The following GBA2 variants were observed in gnomAD, a reference collection of about 807,000 sequenced individuals.
The protein encoded by GBA2 is glucosylceramidase beta 2.
GBA2 carries 79 observed loss-of-function variants against 112.9 expected under a neutral mutation model. That is an observed-to-expected ratio of 0.70 (90% CI 0.58 to 0.84). The LOEUF (loss-of-function observed/expected upper bound fraction) is 0.84, where lower values mean the gene tolerates loss of function less well. Ranked by LOEUF, GBA2 falls within the 40% of genes least tolerant of loss-of-function variation. The pLI is 0.00. For synonymous variants in GBA2, 403 were observed against 434.3 expected, an observed-to-expected ratio of 0.93 and a Z score of 0.90; for missense variants, 1,043 against 1,190.0, an observed-to-expected ratio of 0.88 and a Z score of 1.82.
chr9:35,737,619 AGGGAAAAATG>A lies in GBA2; in HGVS notation c.2505+119_2505+128del. The A allele has an allele frequency of 6.3e-7, 1 of 1,581,016 alleles. No individual in the cohort carries two copies. ...GAAGGCAGGAGCTGGAATGCATACCAGGGAAAAATGGGAGGCTTTATAGACGGACAAGATG... is the reference window on the plus strand; with the variant it reads ...GAAGGCAGGAGCTGGAATGCATACCAGGAGGCTTTATAGACGGACAAGATG... On this transcript the variant is annotated intron_variant, in intron 16 of 16. Coordinates refer to ENST00000378103, the MANE Select transcript of GBA2 (RefSeq NM_020944.3). This position sits in a 1 kb window ranked among gnomAD's most constrained non-coding sequence, Gnocchi z 4.1.
Position 35,740,339 on chromosome 9 carries a change from C to T in GBA2, c.1153G>A (p.Gly385Arg), listed in dbSNP as rs756503362. ...CACACAGCTCCAGCAATGCCTACTC[C>T]TTTCTGCGTAGGGGTGCTTTGGCCT... ...PTGQSTPTQK[G>R]VGIAGAVCVS... The change falls in exon 7 of 17, where the codon GGA becomes AGA. Residue 385 changes from glycine to arginine, a missense_variant. Physicochemically the swap from Gly to Arg is moderately radical, Grantham distance 125. Transcript: ENST00000378103. The surrounding 1 kb of genome is among the most constrained non-coding windows in gnomAD (Gnocchi z 4.7). 3.7e-6 allele frequency: 6 copies of T among 1,613,460 alleles called. No homozygotes were observed. In the African/African-American group the frequency reaches 5.3e-5, roughly 14 times the overall value.
In GBA2 at chr9:35,737,422, G is replaced by A; in HGVS notation, c.2531C>T (p.Thr844Ile). The A allele has an allele frequency of 2.5e-6, 4 of 1,614,048 alleles. No homozygotes were observed. The highest frequency in any genetic ancestry group is 2.2e-5 in the East Asian group (1 of 44,874). The change falls in exon 17 of 17, where the codon ACA becomes ATA. Residue 844 changes from threonine (T) to isoleucine (I), a missense_variant. Physicochemically the swap from Thr to Ile is moderately conservative, Grantham distance 89 (BLOSUM62 -1). Coordinates refer to ENST00000378103, the MANE Select transcript of GBA2 (RefSeq NM_020944.3). The surrounding 1 kb of genome is among the most constrained non-coding windows in gnomAD (Gnocchi z 4.1). Reference protein sequence around the residue: ...QEGLTWEGFQTAEGCYRTVWE... With the variant: ...QEGLTWEGFQIAEGCYRTVWE... ...CACGGTACGGTAGCAGCCTTCAGCT[G>A]TCTGGAAGCCCTCCCAAGTCAGGCC...
rs1826524014 is a variant in GBA2 at position 35,739,748 on chromosome 9, C to T, written c.1462G>A (p.Ala488Thr). Residue 488 changes from alanine (A) to threonine (T), a missense_variant, in exon 9 of 17, where the codon GCT becomes ACT. By Grantham distance (58) the Ala-to-Thr change is moderately conservative. Transcript: ENST00000378103. ...SALFNELYFL[A>T]DGGTVWLEVL... ...TCCAGCCACACTGTGCCTCCATCAG[C>T]CAGGAAGTATAGTTCATTGAACAGC... 6.2e-7 allele frequency: 1 copy of T among 1,613,990 alleles called. No individual in the cohort carries two copies. Among genetic ancestry groups the T allele is most frequent in the Non-Finnish European group, 8.5e-7 (1 of 1,179,910 alleles).
Position 35,748,382 on chromosome 9 carries a change from A to G in GBA2, c.323T>C (p.Leu108Pro), listed in dbSNP as rs369629772. 8.1e-6 allele frequency: 13 copies of G among 1,613,560 alleles called. No homozygotes were observed. The African/African-American group carries it at 1.3e-4, about 17-fold the overall frequency. The change falls in exon 1 of 17, where the codon CTA (leucine) becomes CCA (proline). Residue 108 changes from leucine to proline, a missense_variant. Transcript: ENST00000378103. Reference protein sequence around the residue: ...RKPFQANNVSLSNMIKHIGMG... With the variant: ...RKPFQANNVSPSNMIKHIGMG... ...GCCTATATGCTTTATCATGTTGCTT[A>G]GGGAGACGTTGTTAGCTTGAAAGGG... is the stretch of plus-strand genomic sequence containing the variant.
chr9:35,745,064 C>G (rs1254013863), intron 1 of GBA2, among the ~76,000 whole-genome samples: 1 of 152,204 alleles, frequency 6.6e-6, no homozygotes, highest in Non-Finnish European at 1.5e-5. Context: ...CCCCAATCCC[C>G]TACCTCCAAA....
rs1206335069 is a variant in GBA2, at chr9:35,746,780, G to C, written c.359+1566C>G. 6.6e-6 allele frequency among the ~76,000 whole-genome samples: 1 copy of C among 152,112 alleles called. No individual in the cohort carries two copies. Among genetic ancestry groups the C allele is most frequent in the Admixed American group, 6.5e-5 (1 of 15,270 alleles). ...GTGGCCGAGGATTAGGGCAACCAGG[G>C]AGAGTAACTGCAATCTATGAGGACA... On this transcript the variant is annotated intron_variant, in intron 1 of 16. Transcript: ENST00000378103. The surrounding 1 kb of genome is among the most constrained non-coding windows in gnomAD (Gnocchi z 5.2).
Position 35,744,426 on chromosome 9 carries a change from G to C in GBA2, c.452-14C>G. ...CCAAGGGACAACCTAGAGAAATCAG[G>C]GTGGTTAGTGGGGTATTGGGAGAGG... On this transcript the variant is annotated splice_polypyrimidine_tract_variant and intron_variant, in intron 2 of 16. Transcript: ENST00000378103. 7.0e-7 allele frequency: 1 copy of C among 1,436,080 alleles called. No homozygotes were observed. The highest frequency in any genetic ancestry group is 9.8e-7 in the Non-Finnish European group (1 of 1,017,252). 89.0% of individuals were successfully genotyped at this position (1,436,080 alleles called of 1,614,324 possible).
In GBA2 at chr9:35,737,005, C is replaced by T; in HGVS notation, c.*164G>A. ...AAATAAATAAGTGATTCTAATGCTGCCTAGGTCACCCTCAACCCCCATTTA... is the reference window on the plus strand; with the variant it reads ...AAATAAATAAGTGATTCTAATGCTGTCTAGGTCACCCTCAACCCCCATTTA... On this transcript the variant is annotated 3_prime_UTR_variant, in exon 17 of 17. Transcript: ENST00000378103. This position sits in a 1 kb window ranked among gnomAD's most constrained non-coding sequence, Gnocchi z 4.1. The T allele has an allele frequency of 2.8e-6, 3 of 1,060,056 alleles. No homozygotes were observed. The highest frequency in any genetic ancestry group is 5.0e-5 in the East Asian group (2 of 39,734). 65.7% of individuals were successfully genotyped at this position (1,060,056 alleles called of 1,614,324 possible).
intron 1 of GBA2, among the ~76,000 whole-genome samples, chr9:35,747,662 T>C (rs1314418816): frequency 6.6e-6 from 1 of 152,236 alleles, no homozygotes; most frequent in African/African-American, 2.4e-5. Flanking sequence ...CACCTGTTCC[T>C]GTTAATGGGT....
Position 35,741,212 on chromosome 9 carries a change from C to A in GBA2, c.787-148G>T, listed in dbSNP as rs1017264585. Reference sequence around the variant, plus strand: ...GTCCACTTGCATCTCCCCATATTCCCAGGCAAGCTGCCTAGCAGGGAATAT... The same window carrying A: ...GTCCACTTGCATCTCCCCATATTCCAAGGCAAGCTGCCTAGCAGGGAATAT... On this transcript the variant is annotated intron_variant, in intron 4 of 16. Transcript: ENST00000378103. This position sits in a 1 kb window ranked among gnomAD's most constrained non-coding sequence, Gnocchi z 4.6. 6.8e-5 allele frequency: 56 copies of A among 829,124 alleles called. 1 individual carries two copies. The highest frequency in any genetic ancestry group is 9.8e-5 in the Non-Finnish European group (53 of 538,452). The allele number at this position is 829,124 out of a possible 1,614,324, so 51.4% of individuals were successfully genotyped here. A position where few individuals can be genotyped will look rare whatever the true frequency, so the allele number is the denominator to read the frequency against.
Position 35,738,062 on chromosome 9 carries a change from C to T in GBA2, c.2288G>A (p.Cys763Tyr). ...CTCAGTGTCTCCTTCTCCTAGGCCA[C>T]AGGCCTTCAGGAACCACTGTCCAGC... ...QCAGQWFLKA[C>Y]GLGEGDTEVF... The change falls in exon 15 of 17, where the codon TGT becomes TAT. Residue 763 changes from cysteine to tyrosine, a missense_variant. By Grantham distance (194) the Cys-to-Tyr change is radical. Coordinates refer to ENST00000378103, the MANE Select transcript of GBA2 (RefSeq NM_020944.3). The T allele has an allele frequency of 6.2e-7, 1 of 1,611,930 alleles. No individual in the cohort carries two copies. Among genetic ancestry groups the T allele is most frequent in the Non-Finnish European group, 8.5e-7 (1 of 1,178,478 alleles).
At position 35,739,334 on chromosome 9, in the gene GBA2, G is replaced by A; in HGVS notation, c.1668C>T (p.Leu556=). ...ALIMLWPKLE[L]SLQYDMALAT... ...CCTCACCCATGTCATACTGTAGGCTGAGCTCAAGTTTGGGCCAGAGCATGA... is the reference window on the plus strand; with the variant it reads ...CCTCACCCATGTCATACTGTAGGCTAAGCTCAAGTTTGGGCCAGAGCATGA... Residue 556 remains leucine (L), a synonymous_variant, in exon 10 of 17, where the codon CTC becomes CTT. Transcript: ENST00000378103. 1.2e-6 allele frequency: 2 copies of A among 1,611,204 alleles called. No homozygotes were observed. Among genetic ancestry groups the A allele is most frequent in the Non-Finnish European group, 1.7e-6 (2 of 1,177,316 alleles).
rs1378396654 is a variant in GBA2, at chr9:35,738,350, C to T, written c.2079G>A (p.Leu693=). The T allele has an allele frequency of 1.2e-6, 2 of 1,614,098 alleles. No individual in the cohort carries two copies. Among genetic ancestry groups the T allele is most frequent in the African/African-American group, 2.7e-5 (2 of 74,942 alleles). Reference sequence around the variant, plus strand: ...TCTGGACCATCACAGCCACAGCTGCCAGCCACAGCCCTCCACAGTAAGCAC... The same window carrying T: ...TCTGGACCATCACAGCCACAGCTGCTAGCCACAGCCCTCCACAGTAAGCAC... ...GPSAYCGGLW[L]AAVAVMVQMA... Residue 693 remains leucine (L), a synonymous_variant, in exon 14 of 17, where the codon CTG becomes CTA. Transcript: ENST00000378103.
rs775101452 is a variant in GBA2 at position 35,738,804 on chromosome 9, T to C, written c.1895A>G (p.Tyr632Cys). 8.7e-6 allele frequency: 14 copies of C among 1,614,034 alleles called. No homozygotes were observed. The highest frequency in any genetic ancestry group is 1.6e-4 in the Middle Eastern group (1 of 6,084). The change falls in exon 12 of 17, where the codon TAT (tyrosine) becomes TGT (cysteine). Residue 632 changes from tyrosine to cysteine, a missense_variant. By Grantham distance (194) the Tyr-to-Cys change is radical. Coordinates refer to ENST00000378103, the MANE Select transcript of GBA2 (RefSeq NM_020944.3). Reference sequence around the variant, plus strand: ...GAAGTTTTGATCACCCGTGAGGTAATAGTCCCGATAAACCTGCAGCACAAA... The same window carrying C: ...GAAGTTTTGATCACCCGTGAGGTAACAGTCCCGATAAACCTGCAGCACAAA... Reference protein sequence around the residue: ...LKFVLQVYRDYYLTGDQNFLK... With the variant: ...LKFVLQVYRDCYLTGDQNFLK...
In GBA2 at chr9:35,739,664, T is replaced by C. The variant is rs199920123; in HGVS notation, c.1546A>G (p.Thr516Ala). The change falls in exon 9 of 17, where the codon ACC becomes GCC. Residue 516 changes from threonine (T) to alanine (A), a missense_variant. By Grantham distance (58) the Thr-to-Ala change is moderately conservative. Coordinates refer to ENST00000378103, the MANE Select transcript of GBA2 (RefSeq NM_020944.3). Reference sequence around the variant, plus strand: ...CCAAATCGACCGTAGTCCCGTAGGGTGGGGCGGAGGTGACACATGTTTCTG... The same window carrying C: ...CCAAATCGACCGTAGTCCCGTAGGGCGGGGCGGAGGTGACACATGTTTCTG... ...LGRNMCHLRP[T>A]LRDYGRFGYL... is the part of the protein sequence containing the mutation. 173 of 1,613,932 alleles carry C rather than the reference T, an allele frequency of 1.1e-4. No individual in the cohort carries two copies. The African/African-American group carries it at 2.1e-3, about 20-fold the overall frequency.
chr9:35,738,413 T>C (rs1826388020), intron 13 of GBA2, 39 bp from the exon 14 acceptor site: 2 of 1,607,184 alleles, frequency 1.2e-6, no homozygotes, highest in Non-Finnish European at 1.7e-6. Flanking sequence ...GACTGGCAGC[T>C]CCAGCTGCTC....
intron 3 of GBA2, chr9:35,743,188 T>C (rs1352721017): frequency 3.9e-5 from 6 of 153,794 alleles, no homozygotes; most frequent in African/African-American, 1.4e-4. Context: ...ATTTTTCATT[T>C]TGTTGGAATG....
chr9:35,739,867 G>A (rs1311621192), intron 8 of GBA2, 67 bp from the exon 9 acceptor site: 33 of 1,560,458 alleles, frequency 2.1e-5, no homozygotes, highest in Non-Finnish European at 2.9e-5. Context: ...GGATTTGGGG[G>A]TTCAGCAGAG....
Position 35,739,103 on chromosome 9 carries a change from G to A in GBA2, c.1694C>T (p.Ala565Val), listed in dbSNP as rs1826463020. ...ELSLQYDMALATLREDLTRRR... is the reference protein window; with the variant it reads ...ELSLQYDMALVTLREDLTRRR... ...CCGTGTCAGGTCCTCCCTGAGAGTG[G>A]CCAGAGCTGGGGGAGAGACACAGAA... Residue 565 changes from alanine (A) to valine (V), a missense_variant, in exon 11 of 17, where the codon GCC (alanine) becomes GTC (valine). By Grantham distance (64) the Ala-to-Val change is moderately conservative (BLOSUM62 0). Transcript: ENST00000378103. The A allele has an allele frequency of 2.0e-6, 3 of 1,536,866 alleles. No individual in the cohort carries two copies. The East Asian group carries it at 7.3e-5, about 37-fold the overall frequency.
Sources: allele counts gnomAD v4.1 joint callset (sites outside exome capture counted in the v4.1 genomes callset), GRCh38; gene constraint gnomAD v4.1.1; non-coding constraint Gnocchi (gnomAD v3.1); transcripts MANE v1.5; gene names NCBI Gene and HGNC (gene_info 2026-07-23, HGNC 2026-07-21).